SYK: variants seen among roughly 807,000 people sequenced by gnomAD.
SYK encodes the protein spleen associated tyrosine kinase.
A neutral mutation model predicts 77.8 loss-of-function variants in SYK; 16 were observed. The ratio of observed to expected loss-of-function variants is 0.21; its 90% CI spans 0.14 to 0.31. The LOEUF (loss-of-function observed/expected upper bound fraction) is 0.31. Among genes scored for constraint, SYK ranks in the 10% least tolerant of loss-of-function variants. The probability of loss-of-function intolerance (pLI) is 1.00; values close to 1 mark genes in which losing one functional copy is unlikely to be tolerated. For missense variants in SYK, 529 were observed against 814.4 expected (o/e 0.65, Z 4.26); for synonymous variants, 312 against 308.7 (o/e 1.01, Z -0.11).
rs566719108 is a variant in SYK, at chr9:90,834,779, A to C, written c.-41-9079A>C. Among the ~76,000 whole-genome samples, 5 of 152,284 alleles carry C rather than the reference A, an allele frequency of 3.3e-5. No individual in the cohort carries two copies. The South Asian group carries it at 1.0e-3, about 32-fold the overall frequency. ...TCTTTTCTGTAGTTCATCAGCTATC[A>C]TTAGTATTAGTATATTTTATATGTG... On this transcript the variant is annotated intron_variant, in intron 1 of 13. Coordinates refer to ENST00000375754, the MANE Select transcript of SYK (RefSeq NM_003177.7).
At chr9:90,876,758 C>G (rs1827952623) in intron 9 of SYK, among the ~76,000 whole-genome samples, 1 of 152,302 alleles carries the variant, frequency 6.6e-6, no homozygotes, top group South Asian at 2.1e-4. Context: ...GCCCATCTCT[C>G]CATTTACCAG....
chr9:90,841,128 T>TGA (rs1173346916), intron 1 of SYK, among the ~76,000 whole-genome samples: 1 of 151,624 alleles, frequency 6.6e-6, no homozygotes, highest in Non-Finnish European at 1.5e-5. Context: ...GCAGTGTGTG[T>TGA]GATGTGTGTA....
At chr9:90,843,764 T>G in intron 1 of SYK, 94 bp from the exon 2 acceptor site, 2 of 962,378 alleles carry the variant, frequency 2.1e-6, no homozygotes, top group Non-Finnish European at 1.4e-6. Flanking sequence ...GATGGGAGGG[T>G]TTGTCTCCAC....
Position 90,829,288 on chromosome 9 carries a change from C to CA in SYK, c.-41-14555dup, listed in dbSNP as rs201754721. 6.9e-3 allele frequency among the ~76,000 whole-genome samples: 961 copies of CA among 138,898 alleles called. 9 individuals carry two copies. Among genetic ancestry groups the CA allele is most frequent in the African/African-American group, 0.021 (808 of 38,246 alleles). The allele number at this position is 138,898 out of a possible 152,430, so 91.1% of individuals were successfully genotyped here. ...GGGGTGACAGAATAAGACTCCGTCTCAAAAAAAAAAAAAAATCACCTAGGA... is the reference window on the plus strand; with the variant it reads ...GGGGTGACAGAATAAGACTCCGTCTCAAAAAAAAAAAAAAAATCACCTAGGA... On this transcript the variant is annotated intron_variant, in intron 1 of 13. Transcript: ENST00000375754.
intron 3 of SYK, among the ~76,000 whole-genome samples, chr9:90,851,827 G>T (rs185905646): frequency 2.8e-4 from 42 of 151,802 alleles, no homozygotes; most frequent in African/African-American, 8.7e-4. Flanking sequence ...AGGATTGAGG[G>T]GTCCGAAGCA....
At position 90,865,932 on chromosome 9, in the gene SYK, T is replaced by A. The variant is rs1056518801; in HGVS notation, c.846+835T>A. On this transcript the variant is annotated intron_variant, in intron 6 of 13. Transcript: ENST00000375754. ...TTTTTTTTTTGAGACGGAGTCTCGCTCTGTTGCCCAGGCTGGAGTGCAGTG... is the reference window on the plus strand; with the variant it reads ...TTTTTTTTTTGAGACGGAGTCTCGCACTGTTGCCCAGGCTGGAGTGCAGTG... 1.9e-4 allele frequency among the ~76,000 whole-genome samples: 23 copies of A among 120,668 alleles called. 1 individual carries two copies. The highest frequency in any genetic ancestry group is 7.2e-4 in the African/African-American group (23 of 32,008). 79.2% of individuals were successfully genotyped at this position (120,668 alleles called of 152,430 possible).
intron 1 of SYK, among the ~76,000 whole-genome samples, chr9:90,842,758 AGTGTGTGTGTGTGT>A (rs60139969): frequency 1.7e-5 from 1 of 58,350 alleles, no homozygotes; most frequent in Admixed American, 1.9e-4. Context: ...GTATGGAGAG[AGTGTGTGTGTGTGT>A]GTGTGTGTGT....
chr9:90,882,343 T>C (rs1041353966), intron 11 of SYK, among the ~76,000 whole-genome samples: 3 of 152,348 alleles, frequency 2.0e-5, no homozygotes, highest in African/African-American at 7.2e-5. Context: ...CCAGGGCACC[T>C]TATGGTCTCC....
At chr9:90,867,762 A>T (rs1469622699) in intron 7 of SYK, among the ~76,000 whole-genome samples, 1 of 152,226 alleles carries the variant, frequency 6.6e-6, no homozygotes, top group Non-Finnish European at 1.5e-5. Flanking sequence ...TTTTTGAGGC[A>T]GTAATGTTGA....
chr9:90,828,542 C>T (rs959304753), intron 1 of SYK, among the ~76,000 whole-genome samples: 10 of 152,228 alleles, frequency 6.6e-5, no homozygotes, highest in Admixed American at 3.9e-4. Context: ...GGTCAATATG[C>T]GCCCCACACC....
At chr9:90,814,930 C>T (rs1366187803) in intron 1 of SYK, among the ~76,000 whole-genome samples, 1 of 152,152 alleles carries the variant, frequency 6.6e-6, no homozygotes, top group Non-Finnish European at 1.5e-5. Flanking sequence ...CTTGCAGCAG[C>T]CCTCCAAGCG....
intron 1 of SYK, among the ~76,000 whole-genome samples, chr9:90,825,540 A>T (rs1447855957): frequency 6.6e-6 from 1 of 152,246 alleles, no homozygotes; most frequent in Non-Finnish European, 1.5e-5. Flanking sequence ...CACATGCTAG[A>T]AAGTAAAGGT....
rs752276138 is a variant in SYK, at chr9:90,844,210, G to T, written c.312G>T (p.Lys104Asn). 5 of 1,614,232 alleles carry T rather than the reference G, an allele frequency of 3.1e-6. No homozygotes were observed. The South Asian group carries it at 5.5e-5, about 18-fold the overall frequency. ...QESDGLVCLL[K>N]KPFNRPQGVQ... Reference sequence around the variant, plus strand: ...CTGATGGCCTGGTCTGCCTCCTCAAGAAGCCCTTCAACCGGCCCCAAGGGG... The same window carrying T: ...CTGATGGCCTGGTCTGCCTCCTCAATAAGCCCTTCAACCGGCCCCAAGGGG... Residue 104 changes from lysine to asparagine, a missense_variant, in exon 2 of 14, where the codon AAG (lysine) becomes AAT (asparagine). Physicochemically the swap from Lys to Asn is moderately conservative, Grantham distance 94 (BLOSUM62 0). This residue lies in a region of SYK where 321 missense variants were observed against 433.1 expected (regional missense o/e 0.74). Coordinates refer to ENST00000375754, the MANE Select transcript of SYK (RefSeq NM_003177.7).
chr9:90,809,743 T>G (rs1825002942), intron 1 of SYK, among the ~76,000 whole-genome samples: 1 of 152,106 alleles, frequency 6.6e-6, no homozygotes, highest in Non-Finnish European at 1.5e-5. Flanking sequence ...GGAAAGTGAG[T>G]GCCGAGCCCC....
intron 13 of SYK, among the ~76,000 whole-genome samples, chr9:90,892,319 G>A (rs1828825410): frequency 6.6e-6 from 1 of 152,180 alleles, no homozygotes; most frequent in Admixed American, 6.5e-5. Flanking sequence ...GCCCATTGCA[G>A]CTCCAATGCC....
intron 1 of SYK, among the ~76,000 whole-genome samples, chr9:90,812,946 G>A (rs1026377947): frequency 2.0e-5 from 3 of 152,184 alleles, no homozygotes; most frequent in Admixed American, 6.5e-5. Context: ...AGACTTGCAG[G>A]AGGTGAATGC....
At chr9:90,864,447 TG>T in intron 4 of SYK, 141 bp from the exon 5 acceptor site, 1 of 688,122 alleles carries the variant, frequency 1.5e-6, no homozygotes, top group Non-Finnish European at 2.4e-6. Flanking sequence ...GCCACCCTTG[TG>T]GAGTGGACTT....
At chr9:90,841,522 A>G (rs961086776) in intron 1 of SYK, among the ~76,000 whole-genome samples, 2 of 132,652 alleles carry the variant, frequency 1.5e-5, no homozygotes, top group Admixed American at 7.3e-5. Context: ...GCATGCATGT[A>G]GTGGGCATGT....
chr9:90,848,388 C>G (rs949661904), intron 3 of SYK, among the ~76,000 whole-genome samples: 5 of 152,196 alleles, frequency 3.3e-5, no homozygotes, highest in African/African-American at 9.7e-5. Flanking sequence ...TCCTATATTC[C>G]CCTGTTGGGT....
Sources: allele counts gnomAD v4.1 joint callset (sites outside exome capture counted in the v4.1 genomes callset), GRCh38; gene constraint gnomAD v4.1.1; regional missense constraint gnomAD v4.1.1; transcripts MANE v1.5; gene names NCBI Gene and HGNC (gene_info 2026-07-23, HGNC 2026-07-21).